SERPINI1: variants seen among roughly 807,000 people sequenced by gnomAD.
The protein encoded by SERPINI1 is neuroserpin.
SERPINI1 carries 19 observed loss-of-function variants against 41.1 expected under a neutral mutation model. That is an observed-to-expected ratio of 0.46 (90% CI 0.32 to 0.68). SERPINI1 has a LOEUF of 0.68. SERPINI1 is among the 30% of genes least tolerant of loss of function. The pLI is 0.03. For synonymous variants in SERPINI1, 138 were observed against 156.6 expected, an observed-to-expected ratio of 0.88 and a Z score of 0.89; for missense variants, 460 against 479.2, an observed-to-expected ratio of 0.96 and a Z score of 0.37.
intron 7 of SERPINI1, among the ~76,000 whole-genome samples, chr3:167,823,386 C>G (rs1048310727): frequency 6.6e-6 from 1 of 152,096 alleles, no homozygotes; most frequent in Non-Finnish European, 1.5e-5. Context: ...TTCCTGCTAC[C>G]CATTTAAACA....
At chr3:167,764,305 T>C (rs1420651205) in intron 1 of SERPINI1, among the ~76,000 whole-genome samples, 1 of 152,178 alleles carries the variant, frequency 6.6e-6, no homozygotes, top group African/African-American at 2.4e-5. Context: ...GAAAAGGGTT[T>C]AATGGACTTA....
At chr3:167,798,270 T>G (rs1380251010) in intron 5 of SERPINI1, among the ~76,000 whole-genome samples, 1 of 152,200 alleles carries the variant, frequency 6.6e-6, no homozygotes, top group Non-Finnish European at 1.5e-5. Context: ...TATTCATGCC[T>G]GTACTAAATT....
At chr3:167,794,348 A>C (rs1235507284) in intron 4 of SERPINI1, among the ~76,000 whole-genome samples, 1 of 152,110 alleles carries the variant, frequency 6.6e-6, no homozygotes. Context: ...CAGATGCTTG[A>C]ATTTCTTTAT....
intron 1 of SERPINI1, among the ~76,000 whole-genome samples, chr3:167,744,728 AAT>A (rs554815207): frequency 0.013 from 1,598 of 127,648 alleles, 26 homozygotes; most frequent in Non-Finnish European, 0.017. Context: ...TAAATATATA[AAT>A]ATATATATTA....
intron 1 of SERPINI1, among the ~76,000 whole-genome samples, chr3:167,782,589 A>C (rs567748085): frequency 3.2e-4 from 49 of 152,346 alleles, no homozygotes; most frequent in African/African-American, 1.1e-3. Context: ...AAAGATGAAT[A>C]TCCTTCCATT....
chr3:167,807,286 G>T lies in SERPINI1; in HGVS notation c.924G>T (p.Lys308Asn). ...EQEIDLKDVL[K>N]ALGITEIFIK... ...AAATTGATTTAAAAGATGTTTTGAA[G>T]GCTCTTGGAATAACTGAAATTTTCA... The change falls in exon 6 of 9, where the codon AAG becomes AAT. Residue 308 changes from lysine (K) to asparagine (N), a missense_variant. Transcript: ENST00000446050. 1 of 1,613,014 alleles carries T rather than the reference G, an allele frequency of 6.2e-7. No homozygotes were observed. Among genetic ancestry groups the T allele is most frequent in the Non-Finnish European group, 8.5e-7 (1 of 1,179,386 alleles).
intron 1 of SERPINI1, among the ~76,000 whole-genome samples, chr3:167,769,274 G>A (rs183387362): frequency 2.6e-5 from 4 of 152,226 alleles, no homozygotes; most frequent in East Asian, 1.9e-4. Context: ...TTACAGGCAT[G>A]AGCCACCATG....
At chr3:167,778,777 C>G (rs543450856) in intron 1 of SERPINI1, among the ~76,000 whole-genome samples, 13 of 152,170 alleles carry the variant, frequency 8.5e-5, no homozygotes, top group Non-Finnish European at 1.6e-4. Flanking sequence ...CAGGCCCTTA[C>G]CATAATTCCC....
In SERPINI1 at chr3:167,741,927, AATTAT is replaced by A. The variant is rs917185789; in HGVS notation, c.-19+6110_-19+6114del. On this transcript the variant is annotated intron_variant, in intron 1 of 8. Transcript: ENST00000446050. ...TGGTAAATTACGAAACTTTTAAAAA[AATTAT>A]ATTATGAGATTTTGTGCACAAGGTA... is the stretch of plus-strand genomic sequence containing the variant. Among the ~76,000 whole-genome samples, 36 of 152,294 alleles carry A rather than the reference AATTAT, an allele frequency of 2.4e-4. No homozygotes were observed. The East Asian group carries it at 3.5e-3, about 15-fold the overall frequency.
intron 1 of SERPINI1, among the ~76,000 whole-genome samples, chr3:167,761,797 T>C (rs1337162301): frequency 6.6e-6 from 1 of 152,174 alleles, no homozygotes; most frequent in African/African-American, 2.4e-5. Flanking sequence ...TGAAATAACT[T>C]GGGGAGAATA....
intron 1 of SERPINI1, among the ~76,000 whole-genome samples, chr3:167,740,834 T>TA (rs1173859840): frequency 6.6e-6 from 1 of 151,938 alleles, no homozygotes; most frequent in Non-Finnish European, 1.5e-5. Context: ...TCTGCTGATT[T>TA]AAAGATGTGC....
At position 167,744,750 on chromosome 3, in the gene SERPINI1, ATATT is replaced by A. The variant is rs1391422968; in HGVS notation, c.-19+8931_-19+8934del. On this transcript the variant is annotated intron_variant, in intron 1 of 8. Coordinates refer to ENST00000446050, the MANE Select transcript of SERPINI1 (RefSeq NM_001122752.2). ...ATAAATATATATATTATATATAACT[ATATT>A]TATATATTAAATATATATTATATAT... Among the ~76,000 whole-genome samples, 57 of 117,382 alleles carry A rather than the reference ATATT, an allele frequency of 4.9e-4. 1 individual carries two copies. Among genetic ancestry groups the A allele is most frequent in the Admixed American group, 3.2e-3 (32 of 10,100 alleles). 77.0% of individuals were successfully genotyped at this position (117,382 alleles called of 152,430 possible).
intron 5 of SERPINI1, among the ~76,000 whole-genome samples, chr3:167,802,113 A>G (rs1727918717): frequency 6.6e-6 from 1 of 152,082 alleles, no homozygotes; most frequent in Non-Finnish European, 1.5e-5. Flanking sequence ...TACACCTTAT[A>G]CAAAAATCAA....
At position 167,822,892 on chromosome 3, in the gene SERPINI1, A is replaced by C. The variant is rs1205237363; in HGVS notation, c.980-94A>C. On this transcript the variant is annotated intron_variant, in intron 6 of 8. Transcript: ENST00000446050. ...TCTCCTAGGTTTTCTTCAGTATCCC[A>C]GTCTCTTAGATCTCTAAAATCCATT... 3 of 734,132 alleles carry C rather than the reference A, an allele frequency of 4.1e-6. No individual in the cohort carries two copies. In the African/African-American group the frequency reaches 5.3e-5, roughly 13 times the overall value. 45.5% of individuals were successfully genotyped at this position (734,132 alleles called of 1,614,324 possible).
At chr3:167,818,369 T>C (rs1232193462) in intron 6 of SERPINI1, among the ~76,000 whole-genome samples, 1 of 152,210 alleles carries the variant, frequency 6.6e-6, no homozygotes, top group Non-Finnish European at 1.5e-5. Context: ...TTCACAGATA[T>C]ATGTATATCT....
chr3:167,749,470 C>T (rs74929435), intron 1 of SERPINI1, among the ~76,000 whole-genome samples: 1,869 of 152,294 alleles, frequency 0.012, 38 homozygotes, highest in African/African-American at 0.043. Flanking sequence ...TTATACAAGA[C>T]AATTGTGACT....
intron 1 of SERPINI1, among the ~76,000 whole-genome samples, chr3:167,775,513 G>C (rs13073510): frequency 0.13 from 19,443 of 151,826 alleles, 1,509 homozygotes; most frequent in African/African-American, 0.21. Context: ...CTACAACTCT[G>C]TTTATTAGCA....
At chr3:167,808,254 A>T (rs1300164186) in intron 6 of SERPINI1, among the ~76,000 whole-genome samples, 1 of 150,540 alleles carries the variant, frequency 6.6e-6, no homozygotes, top group East Asian at 1.9e-4. Context: ...ATCCAATTGA[A>T]TTATTTGATT....
chr3:167,785,848 A>G (rs1296167179), intron 1 of SERPINI1, among the ~76,000 whole-genome samples: 1 of 152,224 alleles, frequency 6.6e-6, no homozygotes, highest in Admixed American at 6.5e-5. Flanking sequence ...GTTTCCAAAT[A>G]GTTGTGTTAT....
Sources: gnomAD v4.1 joint callset for allele counts (sites outside exome capture counted in the v4.1 genomes callset) on GRCh38, gnomAD v4.1.1 for gene constraint, MANE v1.5 for transcripts, NCBI Gene and HGNC (gene_info 2026-07-23, HGNC 2026-07-21) for gene names.